Variants in SLC2A9 observed in about 807,000 individuals in gnomAD.
SLC2A9 encodes solute carrier family 2 member 9, also known as solute carrier family 2, facilitated glucose transporter member 9.
Under a neutral mutation model 50.6 loss-of-function variants are expected in SLC2A9, and 39 were observed. That is an observed-to-expected ratio of 0.77 (90% CI 0.60 to 1.01). SLC2A9 has a LOEUF of 1.01. Among genes scored for constraint, SLC2A9 ranks in the 50% least tolerant of loss-of-function variants. The probability of loss-of-function intolerance (pLI) is 0.00; values close to 1 mark genes in which losing one functional copy is unlikely to be tolerated. For missense variants in SLC2A9, 686 were observed against 677.6 expected, an observed-to-expected ratio of 1.01 and a Z score of -0.14; for synonymous variants, 324 against 276.9, an observed-to-expected ratio of 1.17 and a Z score of -1.69.
At chr4:9,778,680 T>A (rs915552049), downstream of SLC2A9, among the ~76,000 whole-genome samples, 1 of 152,164 alleles carries the variant, frequency 6.6e-6, no homozygotes, top group East Asian at 1.9e-4. Flanking sequence ...CCATTCTCTA[T>A]CACAAAAGCC....
chr4:9,820,011 G>A (rs763688067), intron 3 of SLC2A9, among the ~76,000 whole-genome samples: 18 of 152,214 alleles, frequency 1.2e-4, no homozygotes, highest in African/African-American at 3.1e-4. Context: ...ATAATTTACC[G>A]AATTTTCTTT....
intron 6 of SLC2A9, among the ~76,000 whole-genome samples, chr4:9,936,432 A>G (rs1038856375): frequency 6.6e-6 from 1 of 152,206 alleles, no homozygotes; most frequent in African/African-American, 2.4e-5. Flanking sequence ...CCTGGGCCAC[A>G]TGCTGTGACA....
intron 8 of SLC2A9, among the ~76,000 whole-genome samples, chr4:9,898,561 C>T (rs933408398): frequency 6.6e-6 from 1 of 152,238 alleles, no homozygotes; most frequent in Non-Finnish European, 1.5e-5. Context: ...GGGACTACAG[C>T]GTCCTACATG....
rs753644456 is a variant in SLC2A9, at chr4:10,030,249, G to A, written c.-40-4243C>T. On this transcript the variant is annotated intron_variant, in intron 1 of 12. Coordinates refer to the SLC2A9 transcript ENST00000309065. ...CCACAGAAAACTGGTAAGTAGGTGAGGGGATGAGTTAGCTTGATGGAATCA... is the reference window on the plus strand; with the variant it reads ...CCACAGAAAACTGGTAAGTAGGTGAAGGGATGAGTTAGCTTGATGGAATCA... Among the ~76,000 whole-genome samples the A allele has an allele frequency of 3.9e-5, 6 of 152,276 alleles. No homozygotes were observed. The East Asian group carries it at 1.2e-3, about 29-fold the overall frequency.
intron 5 of SLC2A9, among the ~76,000 whole-genome samples, chr4:9,955,894 T>TTTTTTGTTTG (rs1751176369): frequency 1.4e-5 from 2 of 145,838 alleles, no homozygotes; most frequent in Admixed American, 6.9e-5. Flanking sequence ...TTTTTTTTTT[T>TTTTTTGTTTG]GAGATGGAGT....
At chr4:9,865,525 C>T (rs1732303867) in intron 10 of SLC2A9, among the ~76,000 whole-genome samples, 1 of 152,202 alleles carries the variant, frequency 6.6e-6, no homozygotes, top group Admixed American at 6.5e-5. Flanking sequence ...TTAATAAAGG[C>T]AAGGAGGCAA....
intron 3 of SLC2A9, among the ~76,000 whole-genome samples, chr4:9,816,521 T>C (rs1723618051): frequency 6.6e-6 from 1 of 152,176 alleles, no homozygotes; most frequent in South Asian, 2.1e-4. Flanking sequence ...AGAGGGTAGA[T>C]TTTAAGTGTT....
intron 3 of SLC2A9, among the ~76,000 whole-genome samples, chr4:9,812,621 T>C (rs1723039683): frequency 6.6e-6 from 1 of 152,092 alleles, no homozygotes; most frequent in South Asian, 2.1e-4. Context: ...TGCAACATGC[T>C]CAATTTGCCA....
At chr4:9,925,209 G>C (rs987195966) in intron 6 of SLC2A9, among the ~76,000 whole-genome samples, 3 of 152,176 alleles carry the variant, frequency 2.0e-5, no homozygotes, top group Non-Finnish European at 2.9e-5. Flanking sequence ...CCACTTTGTT[G>C]CCTGCCTAGG....
At position 9,826,611 on chromosome 4, in the gene SLC2A9, G is replaced by C; in HGVS notation, c.1420-11C>G. 1.9e-6 allele frequency: 3 copies of C among 1,613,202 alleles called. No homozygotes were observed. The highest frequency in any genetic ancestry group is 2.5e-6 in the Non-Finnish European group (3 of 1,179,418). ...GGTGTCCAGACTTTTCTGTGGAAAG[G>C]CAGAGACAAAAACCCTCAAATAGAT... On this transcript the variant is annotated splice_polypyrimidine_tract_variant and intron_variant, in intron 11 of 11. Coordinates refer to ENST00000264784, the MANE Select transcript of SLC2A9 (RefSeq NM_020041.3).
chr4:9,844,861 TTAAA>T (rs1415793795), intron 10 of SLC2A9, among the ~76,000 whole-genome samples: 1 of 152,260 alleles, frequency 6.6e-6, no homozygotes, highest in African/African-American at 2.4e-5. Flanking sequence ...GTTTTATGCA[TTAAA>T]TGAGACTGTG....
chr4:9,893,174 C>G (rs1316792537), intron 8 of SLC2A9, among the ~76,000 whole-genome samples: 1 of 152,128 alleles, frequency 6.6e-6, no homozygotes, highest in East Asian at 1.9e-4. Flanking sequence ...CTCACCTGGT[C>G]CAGCTCCCGG....
rs111370118 is a variant in SLC2A9, at chr4:10,017,842, C to T, written c.249+1133G>A. Reference sequence around the variant, plus strand: ...TGTGCTCCAAGAACCTGGAGCTCCCCGCATTTCCCCAGATGTGTCCTATAT... The same window carrying T: ...TGTGCTCCAAGAACCTGGAGCTCCCTGCATTTCCCCAGATGTGTCCTATAT... On this transcript the variant is annotated intron_variant, in intron 2 of 11. Transcript: ENST00000264784. 9.0e-3 allele frequency among the ~76,000 whole-genome samples: 1,367 copies of T among 151,614 alleles called. 21 individuals are homozygous for T. Among genetic ancestry groups the T allele is most frequent in the African/African-American group, 0.031 (1,298 of 41,376 alleles).
chr4:9,872,512 G>C lies in SLC2A9; in HGVS notation c.1291+15055C>G, dbSNP rs1733615730. ...ACTCCTGTTTTCCAAACGCTTGAAT[G>C]AATAAATTCGATAAATGTGTTGCTA... On this transcript the variant is annotated intron_variant, in intron 10 of 11. Coordinates refer to ENST00000264784, the MANE Select transcript of SLC2A9 (RefSeq NM_020041.3). Among the ~76,000 whole-genome samples, 3 of 152,364 alleles carry C rather than the reference G, an allele frequency of 2.0e-5. No homozygotes were observed. The South Asian group carries it at 6.2e-4, about 32-fold the overall frequency.
intron 3 of SLC2A9, among the ~76,000 whole-genome samples, chr4:9,818,814 G>C (rs1030400516): frequency 9.9e-5 from 15 of 152,162 alleles, no homozygotes; most frequent in African/African-American, 3.6e-4. Flanking sequence ...TGTGGGATGG[G>C]GGCAGGTGAA....
chr4:9,836,069 C>T (rs1356809670), intron 10 of SLC2A9, among the ~76,000 whole-genome samples: 1 of 82,096 alleles, frequency 1.2e-5, no homozygotes, highest in African/African-American at 5.1e-5. Context: ...GCCTGGGCAA[C>T]AAGAGTGAAA....
At chr4:9,934,497 T>A (rs918335752) in intron 6 of SLC2A9, among the ~76,000 whole-genome samples, 3 of 152,202 alleles carry the variant, frequency 2.0e-5, no homozygotes, top group African/African-American at 7.2e-5. Context: ...GGAGGAAGTT[T>A]CCATCCTGAC....
At position 9,782,817 on chromosome 4, in the gene SLC2A9, A is replaced by G. The variant is rs752776884; in HGVS notation, n.386-2752T>C. ...CAGATCCGCAGGATTTCCTCCCTGGAGAGGGCCGCAGAGCACGCGCAGAGC... is the reference window on the plus strand; with the variant it reads ...CAGATCCGCAGGATTTCCTCCCTGGGGAGGGCCGCAGAGCACGCGCAGAGC... On this transcript the variant is annotated intron_variant and non_coding_transcript_variant, in intron 3 of 3. Coordinates refer to the SLC2A9 transcript ENST00000503803. 9 of 1,613,426 alleles carry G rather than the reference A, an allele frequency of 5.6e-6. No individual in the cohort carries two copies. The East Asian group carries it at 1.6e-4, about 28-fold the overall frequency.
chr4:9,900,073 C>T (rs1739314707), intron 8 of SLC2A9, among the ~76,000 whole-genome samples: 1 of 152,178 alleles, frequency 6.6e-6, no homozygotes, highest in African/African-American at 2.4e-5. Context: ...AAAAAAATAG[C>T]TCTTCAAGGA....
Sources: gnomAD v4.1 joint callset for allele counts (sites outside exome capture counted in the v4.1 genomes callset) on GRCh38, gnomAD v4.1.1 for gene constraint, MANE v1.5 for transcripts, NCBI Gene and HGNC (gene_info 2026-07-23, HGNC 2026-07-21) for gene names.